Variants in ASAP1 observed in about 807,000 individuals in gnomAD.
ASAP1 encodes the protein arf-GAP with SH3 domain, ANK repeat and PH domain-containing protein 1.
Under a neutral mutation model 145.2 loss-of-function variants are expected in ASAP1, and 43 were observed. That is an observed-to-expected ratio of 0.30 (90% CI 0.23 to 0.38). ASAP1 has a LOEUF of 0.38. Among genes scored for constraint, ASAP1 ranks in the 10% least tolerant of loss-of-function variants. The pLI is 1.00. For synonymous variants in ASAP1, 546 were observed against 515.5 expected (o/e 1.06, Z -0.80); for missense variants, 1,018 against 1,355.3 (o/e 0.75, Z 3.91).
At chr8:130,414,081 T>C (rs1829375823) in intron 1 of ASAP1, among the ~76,000 whole-genome samples, 1 of 152,178 alleles carries the variant, frequency 6.6e-6, no homozygotes, top group Non-Finnish European at 1.5e-5. Context: ...GTGAGTGGCT[T>C]CATGGGGGAC....
rs1176009170 is a variant in ASAP1 at position 130,247,464 on chromosome 8, T to C, written c.187-10470A>G. On this transcript the variant is annotated intron_variant, in intron 3 of 29. Coordinates refer to ENST00000518721, the MANE Select transcript of ASAP1 (RefSeq NM_018482.4). Reference sequence around the variant, plus strand: ...TTCCTGATCTCAAGGTCTATATTCATAACCATGTTGCTCTCCAACCCTTCA... The same window carrying C: ...TTCCTGATCTCAAGGTCTATATTCACAACCATGTTGCTCTCCAACCCTTCA... Among the ~76,000 whole-genome samples the C allele has an allele frequency of 2.0e-5, 3 of 152,154 alleles. No homozygotes were observed. In the South Asian group the frequency reaches 6.2e-4, roughly 32 times the overall value.
At chr8:130,335,158 A>G (rs1824952423) in intron 3 of ASAP1, among the ~76,000 whole-genome samples, 1 of 152,178 alleles carries the variant, frequency 6.6e-6, no homozygotes, top group South Asian at 2.1e-4. Context: ...ACAAGCACTT[A>G]CTTCCCCAGA....
intron 5 of ASAP1, among the ~76,000 whole-genome samples, chr8:130,193,641 C>T (rs1485337582): frequency 1.3e-5 from 2 of 152,054 alleles, no homozygotes; most frequent in African/African-American, 2.4e-5. Context: ...TTCCAAATTA[C>T]GGTTTGCATC....
At chr8:130,069,236 C>T (rs77980514) in intron 27 of ASAP1, among the ~76,000 whole-genome samples, 2,929 of 152,218 alleles carry the variant, frequency 0.019, 96 homozygotes, top group African/African-American at 0.065. Flanking sequence ...ACAGTTAAAA[C>T]AAAGGTCTTT....
At chr8:130,061,554 C>T (rs891952837) in intron 27 of ASAP1, among the ~76,000 whole-genome samples, 5 of 151,970 alleles carry the variant, frequency 3.3e-5, no homozygotes, top group Non-Finnish European at 5.9e-5. Flanking sequence ...CATTCTATTC[C>T]ATTCTATAGC....
chr8:130,239,292 C>T (rs1315169200), intron 3 of ASAP1, among the ~76,000 whole-genome samples: 2 of 152,090 alleles, frequency 1.3e-5, no homozygotes, highest in African/African-American at 4.8e-5. Flanking sequence ...TTAACATATA[C>T]TTGGTATAAA....
At position 130,173,674 on chromosome 8, in the gene ASAP1, G is replaced by A. The variant is rs149341088; in HGVS notation, c.747-4607C>T. Among the ~76,000 whole-genome samples, 435 of 151,686 alleles carry A rather than the reference G, an allele frequency of 2.9e-3. 4 individuals carry two copies. Among genetic ancestry groups the A allele is most frequent in the African/African-American group, 0.01 (419 of 41,342 alleles). ...TCCCTGCTACTTGGGAGACTGAGGTGGGTGGATCGCTTGAACCCAGGAGGT... is the reference window on the plus strand; with the variant it reads ...TCCCTGCTACTTGGGAGACTGAGGTAGGTGGATCGCTTGAACCCAGGAGGT... On this transcript the variant is annotated intron_variant, in intron 9 of 29. Transcript: ENST00000518721.
intron 8 of ASAP1, among the ~76,000 whole-genome samples, chr8:130,179,949 G>T (rs1814231430): frequency 6.7e-6 from 1 of 148,162 alleles, no homozygotes; most frequent in South Asian, 2.2e-4. Context: ...GAGCCAAAGG[G>T]TTATGAAACA....
chr8:130,207,638 G>T (rs965747734), intron 5 of ASAP1, among the ~76,000 whole-genome samples: 5 of 152,196 alleles, frequency 3.3e-5, no homozygotes, highest in African/African-American at 9.6e-5. Context: ...GTAAGATGCT[G>T]AGTATTTTAA....
intron 7 of ASAP1, among the ~76,000 whole-genome samples, chr8:130,181,248 C>T (rs1814337426): frequency 6.6e-6 from 1 of 152,204 alleles, no homozygotes; most frequent in South Asian, 2.1e-4. Context: ...AAACAGAACA[C>T]AAACACTGTA....
At chr8:130,147,550 T>G (rs766595665) in intron 13 of ASAP1, among the ~76,000 whole-genome samples, 4 of 152,246 alleles carry the variant, frequency 2.6e-5, no homozygotes, top group Non-Finnish European at 5.9e-5. Context: ...TAAGGAACAC[T>G]TATTGCGGTC....
intron 1 of ASAP1, among the ~76,000 whole-genome samples, chr8:130,418,706 A>G (rs1024902748): frequency 2.9e-4 from 44 of 151,972 alleles, no homozygotes; most frequent in African/African-American, 1.1e-3. Context: ...AAAAATAACA[A>G]TATAACCTCT....
At chr8:130,073,721 G>C (rs1206740092) in intron 27 of ASAP1, among the ~76,000 whole-genome samples, 1 of 152,204 alleles carries the variant, frequency 6.6e-6, no homozygotes, top group Non-Finnish European at 1.5e-5. Flanking sequence ...TCGGCTTGCA[G>C]AGGGATGGAA....
chr8:130,415,533 A>C (rs1829438938), intron 1 of ASAP1, among the ~76,000 whole-genome samples: 1 of 152,212 alleles, frequency 6.6e-6, no homozygotes, highest in Non-Finnish European at 1.5e-5. Flanking sequence ...CAAGCCTGTA[A>C]TCCCAGCACT....
chr8:130,183,505 T>A (rs575656823), intron 7 of ASAP1, among the ~76,000 whole-genome samples: 42 of 152,166 alleles, frequency 2.8e-4, no homozygotes, highest in African/African-American at 9.9e-4. Flanking sequence ...CACGCCCAGC[T>A]AATTTTTGTA....
chr8:130,415,102 A>G (rs1260531553), intron 1 of ASAP1, among the ~76,000 whole-genome samples: 2 of 152,264 alleles, frequency 1.3e-5, no homozygotes, highest in South Asian at 4.1e-4. Flanking sequence ...CAGGTGCTCA[A>G]TAAATTATCT....
chr8:130,349,783 A>G (rs1447175101), intron 3 of ASAP1, among the ~76,000 whole-genome samples: 6 of 152,202 alleles, frequency 3.9e-5, no homozygotes, highest in East Asian at 3.8e-4. Flanking sequence ...ACTGACACAT[A>G]AAGTCATTTG....
intron 7 of ASAP1, 49 bp from the exon 8 acceptor site, chr8:130,180,929 G>A (rs1814314594): frequency 1.4e-6 from 2 of 1,465,780 alleles, no homozygotes; most frequent in South Asian, 1.2e-5. Flanking sequence ...ATACACTCAT[G>A]TACAATACCA....
chr8:130,329,952 C>T (rs1263706753), intron 3 of ASAP1, among the ~76,000 whole-genome samples: 2 of 152,210 alleles, frequency 1.3e-5, no homozygotes, highest in Non-Finnish European at 2.9e-5. Context: ...CATTTCCCTC[C>T]TGTCCTGCCC....
Sources: gnomAD v4.1 joint callset for allele counts (sites outside exome capture counted in the v4.1 genomes callset) on GRCh38, gnomAD v4.1.1 for gene constraint, MANE v1.5 for transcripts, NCBI Gene and HGNC (gene_info 2026-07-23, HGNC 2026-07-21) for gene names.